Variants in PTPRR observed in about 807,000 individuals in gnomAD.
PTPRR encodes protein tyrosine phosphatase receptor type R, also known as receptor-type tyrosine-protein phosphatase R.
PTPRR carries 38 observed loss-of-function variants against 77.2 expected under a neutral mutation model. The observed-to-expected ratio is 0.49, with a 90% CI of 0.38 to 0.65. The LOEUF is 0.65. Ranked by LOEUF, PTPRR falls within the 30% of genes least tolerant of loss-of-function variation. PTPRR has a pLI of 0.00. For missense variants in PTPRR, 744 were observed against 799.2 expected (o/e 0.93, Z 0.83); for synonymous variants, 299 against 283.1 (o/e 1.06, Z -0.57).
intron 2 of PTPRR, among the ~76,000 whole-genome samples, chr12:70,839,658 A>C: frequency 6.6e-6 from 1 of 152,134 alleles, no homozygotes; most frequent in East Asian, 1.9e-4. Flanking sequence ...AAGTAAAAGA[A>C]ATTATTAGTG....
chr12:70,809,817 G>C (rs537474651), intron 2 of PTPRR, among the ~76,000 whole-genome samples: 30 of 152,186 alleles, frequency 2.0e-4, no homozygotes, highest in South Asian at 1.0e-3. Flanking sequence ...AACTAAACAT[G>C]ACCACTAAAT....
At chr12:70,877,007 A>G (rs776360337) in intron 2 of PTPRR, among the ~76,000 whole-genome samples, 4 of 152,174 alleles carry the variant, frequency 2.6e-5, no homozygotes, top group African/African-American at 4.8e-5. Context: ...ATGAAAAGCT[A>G]TCACCAGGTA....
In PTPRR at chr12:70,691,101, A is replaced by G. The variant is rs186257404; in HGVS notation, c.1280-6318T>C. On this transcript the variant is annotated intron_variant, in intron 8 of 13. Transcript: ENST00000283228. ...CTTTTTTAGACAGGCAAACTTCTGA[A>G]AGAGTTTATTATACACACACTTCCT... is the stretch of plus-strand genomic sequence containing the variant. Among the ~76,000 whole-genome samples the G allele has an allele frequency of 1.0e-3, 152 of 152,222 alleles. 1 individual carries two copies. The highest frequency in any genetic ancestry group is 3.4e-3 in the African/African-American group (140 of 41,532).
chr12:70,730,161 T>G lies in PTPRR; in HGVS notation c.1007+15657A>C, dbSNP rs551369374. Among the ~76,000 whole-genome samples the G allele has an allele frequency of 9.8e-4, 149 of 152,316 alleles. 1 individual carries two copies. The highest frequency in any genetic ancestry group is 3.5e-3 in the African/African-American group (144 of 41,572). On this transcript the variant is annotated intron_variant, in intron 6 of 13. Coordinates refer to ENST00000283228, the MANE Select transcript of PTPRR (RefSeq NM_002849.4). ...CACACCCAAGCCTCGATTTTTACTT[T>G]TACAGTATAGTGCTGTTTCACTCTG...
intron 2 of PTPRR, among the ~76,000 whole-genome samples, chr12:70,812,817 T>A (rs1303302875): frequency 2.6e-5 from 4 of 152,218 alleles, no homozygotes; most frequent in Admixed American, 2.6e-4. Flanking sequence ...AGGTTTCCAT[T>A]TTCATAAATC....
intron 5 of PTPRR, among the ~76,000 whole-genome samples, chr12:70,748,716 G>A (rs1890290271): frequency 6.6e-6 from 1 of 152,202 alleles, no homozygotes; most frequent in South Asian, 2.1e-4. Context: ...AAAATCTCAT[G>A]AGTAACACAA....
chr12:70,760,181 C>A (rs1890660507), intron 4 of PTPRR, among the ~76,000 whole-genome samples: 1 of 152,134 alleles, frequency 6.6e-6, no homozygotes, highest in Non-Finnish European at 1.5e-5. Flanking sequence ...AAAATTCAAT[C>A]CATATTTCAA....
chr12:70,908,931 C>T (rs183861104), intron 1 of PTPRR, among the ~76,000 whole-genome samples: 103 of 152,316 alleles, frequency 6.8e-4, no homozygotes, highest in African/African-American at 2.3e-3. Context: ...CAGTGTGGCA[C>T]ATCCTTTCTG....
chr12:70,727,743 A>C (rs981671999), intron 6 of PTPRR, among the ~76,000 whole-genome samples: 10 of 152,212 alleles, frequency 6.6e-5, no homozygotes, highest in African/African-American at 1.7e-4. Context: ...AAATGCATCC[A>C]AACGGCACAG....
At chr12:70,836,226 C>T (rs1384057086) in intron 2 of PTPRR, among the ~76,000 whole-genome samples, 2 of 152,048 alleles carry the variant, frequency 1.3e-5, no homozygotes, top group Non-Finnish European at 2.9e-5. Context: ...GAGTTGGTCC[C>T]TGCCTACCAG....
intron 2 of PTPRR, among the ~76,000 whole-genome samples, chr12:70,881,746 G>A (rs181292748): frequency 6.6e-6 from 1 of 152,266 alleles, no homozygotes; most frequent in East Asian, 1.9e-4. Flanking sequence ...AGAAGATTCT[G>A]ATCAATCTTC....
chr12:70,774,301 C>T (rs1472769180), intron 2 of PTPRR, among the ~76,000 whole-genome samples: 1 of 152,186 alleles, frequency 6.6e-6, no homozygotes, highest in African/African-American at 2.4e-5. Flanking sequence ...CAAGCCCCCT[C>T]AAGGGGGTTG....
intron 2 of PTPRR, among the ~76,000 whole-genome samples, chr12:70,823,350 T>C (rs578200863): frequency 1.3e-5 from 2 of 152,292 alleles, no homozygotes; most frequent in South Asian, 4.1e-4. Context: ...TGTAGAAACC[T>C]GGACACTGCT....
intron 13 of PTPRR, among the ~76,000 whole-genome samples, chr12:70,642,107 T>C (rs1225250336): frequency 2.0e-5 from 3 of 152,126 alleles, no homozygotes; most frequent in African/African-American, 7.2e-5. Flanking sequence ...AGCTGCACGT[T>C]AGAGACCAAT....
chr12:70,778,649 C>A (rs1356873676), intron 2 of PTPRR, among the ~76,000 whole-genome samples: 1 of 151,964 alleles, frequency 6.6e-6, no homozygotes, highest in African/African-American at 2.4e-5. Flanking sequence ...TCAGCAGAAT[C>A]TTTTCTATTT....
chr12:70,806,140 G>A (rs2137025551), intron 2 of PTPRR, among the ~76,000 whole-genome samples: 1 of 152,268 alleles, frequency 6.6e-6, no homozygotes, highest in Non-Finnish European at 1.5e-5. Flanking sequence ...AGGGAACAGG[G>A]AGAAACTAGA....
At chr12:70,822,815 T>C (rs1297136961) in intron 2 of PTPRR, among the ~76,000 whole-genome samples, 1 of 152,198 alleles carries the variant, frequency 6.6e-6, no homozygotes, top group African/African-American at 2.4e-5. Flanking sequence ...CATACGACCA[T>C]AATTTATTGA....
chr12:70,855,562 C>T (rs1892637524), intron 2 of PTPRR, among the ~76,000 whole-genome samples: 1 of 152,114 alleles, frequency 6.6e-6, no homozygotes, highest in African/African-American at 2.4e-5. Flanking sequence ...GTTTAGCAGC[C>T]AGAAGTCCTA....
Position 70,865,199 on chromosome 12 carries a change from C to T in PTPRR, c.357+27480G>A, listed in dbSNP as rs187957226. ...GTCGCCATGTAAGACGTGCCTTTTG[C>T]CTTCTGAGAATGATCGTGAGGCCTC... On this transcript the variant is annotated intron_variant, in intron 2 of 13. Coordinates refer to ENST00000283228, the MANE Select transcript of PTPRR (RefSeq NM_002849.4). 1.9e-3 allele frequency among the ~76,000 whole-genome samples: 265 copies of T among 143,010 alleles called. 2 individuals are homozygous for T. Among genetic ancestry groups the T allele is most frequent in the African/African-American group, 6.1e-3 (251 of 40,898 alleles). 93.8% of individuals were successfully genotyped at this position (143,010 alleles called of 152,430 possible).
Sources: gnomAD v4.1 joint callset for allele counts (sites outside exome capture counted in the v4.1 genomes callset) on GRCh38, gnomAD v4.1.1 for gene constraint, MANE v1.5 for transcripts, NCBI Gene and HGNC (gene_info 2026-07-23, HGNC 2026-07-21) for gene names.